The following ZMAT1 variants were observed in gnomAD, a reference collection of about 807,000 sequenced individuals.
ZMAT1 encodes the protein zinc finger matrin-type 1.
Under a neutral mutation model 18.5 loss-of-function variants are expected in ZMAT1, and 11 were observed. The ratio of observed to expected loss-of-function variants is 0.59; its 90% confidence interval spans 0.37 to 0.98. ZMAT1 has a LOEUF of 0.98. Among genes scored for constraint, ZMAT1 ranks in the 50% least tolerant of loss-of-function variants. The probability of loss-of-function intolerance (pLI) is 0.01; values close to 1 mark genes in which losing one functional copy is unlikely to be tolerated. For synonymous variants in ZMAT1, 211 were observed against 176.4 expected, an observed-to-expected ratio of 1.20 and a Z score of -1.55; for missense variants, 525 against 496.2, an observed-to-expected ratio of 1.06 and a Z score of -0.55.
intron 1 of ZMAT1, among the ~76,000 whole-genome samples, chrX:101,922,690 G>A (rs1377281666): frequency 2.7e-5 from 3 of 111,445 alleles, no homozygotes; most frequent in Non-Finnish European, 3.8e-5. Flanking sequence ...ATCTTAAAAA[G>A]AGACTTGATC....
chrX:101,915,921 G>A (rs1929294383), intron 1 of ZMAT1, among the ~76,000 whole-genome samples: 1 of 112,035 alleles, frequency 8.9e-6, no homozygotes, highest in South Asian at 3.7e-4. Context: ...AAATCATTCT[G>A]CAGTAAAGAC....
chrX:101,890,474 A>G lies in ZMAT1; in HGVS notation c.677-3743T>C, dbSNP rs182657973. ...ATTCCAGGGGATGAAAATAATATCA[A>G]GTATGGCAGAGACAGAAATCAGCAC... is the stretch of plus-strand genomic sequence containing the variant. On this transcript the variant is annotated intron_variant, in intron 4 of 5. Coordinates refer to ENST00000651725, the MANE Select transcript of ZMAT1 (RefSeq NM_001394560.1). Among the ~76,000 whole-genome samples, 4 of 111,761 alleles carry G rather than the reference A, an allele frequency of 3.6e-5. No individual in the cohort carries two copies. In the East Asian group the frequency reaches 1.1e-3, roughly 32 times the overall value.
At chrX:101,911,794 C>T (rs1258143203) in intron 1 of ZMAT1, 4 of 1,207,920 alleles carry the variant, frequency 3.3e-6, no homozygotes, top group South Asian at 1.8e-5. Flanking sequence ...CCCGTCTCAT[C>T]GAACACCAGA....
intron 1 of ZMAT1, among the ~76,000 whole-genome samples, chrX:101,922,591 T>C (rs1275053755): frequency 1.8e-5 from 2 of 110,530 alleles, no homozygotes; most frequent in African/African-American, 6.6e-5. Flanking sequence ...CGGGATTTCA[T>C]TATGTTGGCC....
chrX:101,893,062 G>A (rs1049181798), intron 4 of ZMAT1, among the ~76,000 whole-genome samples: 1 of 111,698 alleles, frequency 9.0e-6, no homozygotes, highest in African/African-American at 3.2e-5. Flanking sequence ...AAAATCTATT[G>A]AGCTCTAGCT....
At chrX:101,930,045 ATAAG>A (rs1930383168) in intron 1 of ZMAT1, among the ~76,000 whole-genome samples, 1 of 112,272 alleles carries the variant, frequency 8.9e-6, no homozygotes, top group Non-Finnish European at 1.9e-5. Context: ...CAGCAATAAC[ATAAG>A]TAAGGTATTG....
intron 4 of ZMAT1, 129 bp from the exon 5 acceptor site, chrX:101,886,860 G>T: frequency 2.1e-6 from 1 of 481,346 alleles, no homozygotes; most frequent in Non-Finnish European, 3.4e-6. Flanking sequence ...ATGGGGCCCA[G>T]AGAGGTCAAA....
rs1926780461 is a variant in ZMAT1, at chrX:101,884,626, C to T, written c.972G>A (p.Met324Ile). 1 of 1,211,116 alleles carries T rather than the reference C, an allele frequency of 8.3e-7. No individual in the cohort carries two copies. The change falls in exon 6 of 6, where the codon ATG becomes ATA. Residue 324 changes from methionine to isoleucine, a missense_variant. Physicochemically the swap from Met to Ile is conservative, Grantham distance 10. Transcript: ENST00000651725. Reference sequence around the variant, plus strand: ...TCTCAAATGGGAGTCTTTGTTCAAACATTCTATGTCTGGGTCTGGAATCGA... The same window carrying T: ...TCTCAAATGGGAGTCTTTGTTCAAATATTCTATGTCTGGGTCTGGAATCGA... ...EVVDSRPRHRMFEQRLPFETF... is the reference protein window; with the variant it reads ...EVVDSRPRHRIFEQRLPFETF...
At chrX:101,922,031 A>C (rs1158693835) in intron 1 of ZMAT1, among the ~76,000 whole-genome samples, 1 of 110,912 alleles carries the variant, frequency 9.0e-6, no homozygotes. Flanking sequence ...ATATATACTT[A>C]TATTTTTTAT....
At chrX:101,895,136 C>T (rs887494534) in intron 4 of ZMAT1, among the ~76,000 whole-genome samples, 13 of 111,392 alleles carry the variant, frequency 1.2e-4, no homozygotes, top group Admixed American at 2.9e-4. Context: ...CACAAAAATG[C>T]GCCTGTCGGC....
At chrX:101,920,082 C>T (rs1255683971) in intron 1 of ZMAT1, among the ~76,000 whole-genome samples, 1 of 105,941 alleles carries the variant, frequency 9.4e-6, no homozygotes, top group Non-Finnish European at 1.9e-5. Context: ...ACCCTTTACT[C>T]GGGCTGGAGT....
intron 4 of ZMAT1, chrX:101,887,045 G>A (rs1044798886): frequency 1.9e-5 from 3 of 158,797 alleles, no homozygotes; most frequent in African/African-American, 9.2e-5. Context: ...AGGTGCAACA[G>A]GCACCTGAAA....
In ZMAT1 at chrX:101,884,506, T is replaced by C; in HGVS notation, c.1092A>G (p.Glu364=). The C allele has an allele frequency of 8.3e-7, 1 of 1,210,884 alleles. No individual in the cohort carries two copies. Among genetic ancestry groups the C allele is most frequent in the South Asian group, 1.8e-5 (1 of 56,954 alleles). ...SKKTYDSFQD[E]LEDYIKVQKA... ...TCTGTACTTTGATGTAATCTTCAAGTTCATCTTGGAAAGAGTCATATGTCT... is the reference window on the plus strand; with the variant it reads ...TCTGTACTTTGATGTAATCTTCAAGCTCATCTTGGAAAGAGTCATATGTCT... Residue 364 remains glutamate, a synonymous_variant, in exon 6 of 6, where the codon GAA becomes GAG. Coordinates refer to ENST00000651725, the MANE Select transcript of ZMAT1 (RefSeq NM_001394560.1).
At chrX:101,904,051 T>G (rs1053777561) in intron 2 of ZMAT1, among the ~76,000 whole-genome samples, 173 bp downstream of exon 2, 2 of 111,736 alleles carry the variant, frequency 1.8e-5, no homozygotes, top group Non-Finnish European at 3.8e-5. Context: ...TCCCCAAACT[T>G]AAAGTAGTAT....
At chrX:101,906,122 TG>T (rs1301756181) in intron 1 of ZMAT1, among the ~76,000 whole-genome samples, 1 of 110,861 alleles carries the variant, frequency 9.0e-6, no homozygotes, top group East Asian at 2.9e-4. Context: ...TAATATCCAG[TG>T]CTAGGAAGGC....
intron 4 of ZMAT1, chrX:101,888,030 G>T (rs960853131): frequency 9.0e-6 from 1 of 111,586 alleles, no homozygotes; most frequent in South Asian, 3.7e-4. Context: ...CAACTGGGGT[G>T]TCAGTTAAAA....
At chrX:101,920,506 T>C (rs1055338309) in intron 1 of ZMAT1, among the ~76,000 whole-genome samples, 1 of 112,117 alleles carries the variant, frequency 8.9e-6, no homozygotes, top group African/African-American at 3.2e-5. Flanking sequence ...AATTGAAAAT[T>C]AAAATACATG....
intron 1 of ZMAT1, among the ~76,000 whole-genome samples, chrX:101,930,751 G>A (rs969683154): frequency 8.0e-5 from 9 of 112,016 alleles, no homozygotes; most frequent in Non-Finnish European, 1.3e-4. Context: ...GCTCTGCAGT[G>A]GAATGGTCTC....
chrX:101,911,587 T>C, intron 1 of ZMAT1: 2 of 1,163,737 alleles, frequency 1.7e-6, no homozygotes, highest in Non-Finnish European at 1.2e-6. Flanking sequence ...ATGCAATGAC[T>C]GTAGCAAGGC....
Sources: gnomAD v4.1 joint callset for allele counts (sites outside exome capture counted in the v4.1 genomes callset) on GRCh38, gnomAD v4.1.1 for gene constraint, MANE v1.5 for transcripts, NCBI Gene and HGNC (gene_info 2026-07-23, HGNC 2026-07-21) for gene names.